MYO15A: variants seen among roughly 807,000 people sequenced by gnomAD.
MYO15A encodes the protein unconventional myosin-XV.
A neutral mutation model predicts 394.6 loss-of-function variants in MYO15A; 308 were observed. The ratio of observed to expected loss-of-function variants is 0.78; its 90% CI spans 0.71 to 0.86. The LOEUF is 0.86. Ranked by LOEUF, MYO15A falls within the 40% of genes least tolerant of loss-of-function variation. The pLI, the probability that MYO15A is intolerant of heterozygous loss-of-function variation, is 0.00. For synonymous variants in MYO15A, 1,957 were observed against 2,003.8 expected, an observed-to-expected ratio of 0.98 and a Z score of 0.62; for missense variants, 4,606 against 4,799.1, an observed-to-expected ratio of 0.96 and a Z score of 1.19.
At chr17:18,136,282 CCTAGT>C in intron 13 of MYO15A, 130 bp from the exon 14 acceptor site, 1 of 1,117,846 alleles carries the variant, frequency 8.9e-7, no homozygotes, top group Non-Finnish European at 1.3e-6. Flanking sequence ...GGTGGTCCTG[CCTAGT>C]CTCTGTGTGC....
intron 61 of MYO15A, 52 bp from the exon 62 acceptor site, chr17:18,167,538 G>A (rs1252868010): frequency 1.3e-6 from 2 of 1,598,482 alleles, no homozygotes; most frequent in African/African-American, 1.3e-5. Context: ...CTGCAGCCAA[G>A]TGCCTGCACG....
At chr17:18,122,506 A>T (rs1262800556) in intron 2 of MYO15A, 97 bp downstream of exon 2, 8 of 1,490,806 alleles carry the variant, frequency 5.4e-6, no homozygotes, top group Non-Finnish European at 7.1e-6. Flanking sequence ...CCTTGGAGAG[A>T]GGCTGCTTGC....
In MYO15A at chr17:18,132,673, A is replaced by G. The variant is rs2046190111; in HGVS notation, c.4320+107A>G. On this transcript the variant is annotated intron_variant, in intron 11 of 65. Transcript: ENST00000647165. The surrounding 1 kb of genome is among the most constrained non-coding windows in gnomAD (Gnocchi z 4.6). ...TGTGAGTGATGGAGTGTGAAGGTGA[A>G]GGAGATTTGGGGAGGGTGAGTTTGG... 4 of 907,578 alleles carry G rather than the reference A, an allele frequency of 4.4e-6. No homozygotes were observed. In the Admixed American group the frequency reaches 5.8e-5, roughly 13 times the overall value. 56.2% of individuals were successfully genotyped at this position (907,578 alleles called of 1,614,324 possible).
intron 21 of MYO15A, 67 bp from the exon 22 acceptor site, chr17:18,140,952 A>T: frequency 6.2e-7 from 1 of 1,612,912 alleles, no homozygotes; most frequent in Non-Finnish European, 8.5e-7. Context: ...GGGAATATTC[A>T]CCATGATAAT....
At chr17:18,131,178 C>A in intron 8 of MYO15A, 61 bp from the exon 9 acceptor site, 3 of 1,483,422 alleles carry the variant, frequency 2.0e-6, no homozygotes, top group South Asian at 1.1e-5. Context: ...CTATGCCCCC[C>A]ACCCAGGCCC....
In MYO15A at chr17:18,144,479, G is replaced by T; in HGVS notation, c.6178-18G>T. On this transcript the variant is annotated intron_variant, in intron 28 of 65. Transcript: ENST00000647165. ...TCAGTCCAGCTCTGTCTGCTCATGT[G>T]CCTGCCCTGTGTCTTAGGAACCTGC... The T allele has an allele frequency of 1.2e-6, 2 of 1,608,654 alleles. No homozygotes were observed. The highest frequency in any genetic ancestry group is 1.7e-6 in the Non-Finnish European group (2 of 1,176,514).
intron 47 of MYO15A, 85 bp from the exon 48 acceptor site, chr17:18,156,110 G>T: frequency 6.2e-7 from 1 of 1,605,066 alleles, no homozygotes; most frequent in East Asian, 2.2e-5. Flanking sequence ...CTTCAAATGG[G>T]GCAGGACAGG....
chr17:18,136,015 G>C (rs764277909), intron 13 of MYO15A, among the ~76,000 whole-genome samples, 191 bp downstream of exon 13: 35 of 152,142 alleles, frequency 2.3e-4, no homozygotes, highest in Non-Finnish European at 4.6e-4. Context: ...TGCATAGGCT[G>C]TTTCCTCTAC....
Position 18,139,608 on chromosome 17 carries a change from A to G in MYO15A, c.5208A>G (p.Thr1736=), listed in dbSNP as rs201526680. Residue 1736 remains threonine (T), a synonymous_variant, in exon 19 of 66, where the codon ACA becomes ACG. Transcript: ENST00000647165. The part of the protein sequence containing the change: ...DVLDLFVRSR[T]RVVAHLFSSH... ...TGGACCTGTTCGTACGGAGCCGGAC[A>G]CGGGTAAGCCTCGCCTCCCACCGCT... The G allele has an allele frequency of 3.1e-6, 5 of 1,613,760 alleles. No homozygotes were observed. The highest frequency in any genetic ancestry group is 4.2e-6 in the Non-Finnish European group (5 of 1,179,964).
chr17:18,121,205 G>C lies in MYO15A; in HGVS notation c.2405G>C (p.Arg802Pro). 1 of 1,501,710 alleles carries C rather than the reference G, an allele frequency of 6.7e-7. No homozygotes were observed. The highest frequency in any genetic ancestry group is 8.8e-7 in the Non-Finnish European group (1 of 1,131,846). The allele number at this position is 1,501,710 out of a possible 1,614,324, so 93.0% of individuals were successfully genotyped here. A position where few individuals can be genotyped will look rare whatever the true frequency, so the allele number is the denominator to read the frequency against. The change falls in exon 2 of 66, where the codon CGC becomes CCC. Residue 802 changes from arginine to proline, a missense_variant. Physicochemically the swap from Arg to Pro is moderately radical, Grantham distance 103. Coordinates refer to ENST00000647165, the MANE Select transcript of MYO15A (RefSeq NM_016239.4). This position sits in a 1 kb window ranked among gnomAD's most constrained non-coding sequence, Gnocchi z 5.3. ...CCCCCGTCGCCTCAGCTGTCCTTGCGCACGGGCCCCTTCCAGCCGCCCTTC... is the reference window on the plus strand; with the variant it reads ...CCCCCGTCGCCTCAGCTGTCCTTGCCCACGGGCCCCTTCCAGCCGCCCTTC... ...LAPPSPQLSL[R>P]TGPFQPPFLP...
chr17:18,176,049 A>G (rs986604520), intron 65 of MYO15A, among the ~76,000 whole-genome samples: 1 of 152,132 alleles, frequency 6.6e-6, no homozygotes, highest in African/African-American at 2.4e-5. Context: ...ACCTTTTTCT[A>G]GAAGCTTTCC....
In MYO15A at chr17:18,179,421, C is replaced by T. The variant is rs75494004; in HGVS notation, c.*551C>T. On this transcript the variant is annotated 3_prime_UTR_variant, in exon 66 of 66. Transcript: ENST00000647165. ...TTTCTCCATGGAGTTGCTAAGTGGC[C>T]GGAAAACAAGCCTGAGGGAGGAGGC... 2.3e-3 allele frequency: 417 copies of T among 179,086 alleles called. 2 individuals carry two copies. The highest frequency in any genetic ancestry group is 9.3e-3 in the African/African-American group (396 of 42,422). The allele number at this position is 179,086 out of a possible 1,614,324, so 11.1% of individuals were successfully genotyped here.
chr17:18,172,422 T>C (rs2046955816), intron 64 of MYO15A, 132 bp downstream of exon 64: 5 of 1,328,930 alleles, frequency 3.8e-6, no homozygotes, highest in Admixed American at 3.9e-5. Flanking sequence ...CTCAGGCAAG[T>C]CTCTTCCCTC....
intron 12 of MYO15A, 89 bp from the exon 13 acceptor site, chr17:18,135,622 T>G (rs887905551): frequency 7.7e-7 from 1 of 1,291,352 alleles, no homozygotes; most frequent in Non-Finnish European, 1.1e-6. Flanking sequence ...ACTACTGGCA[T>G]GAGCCACAGT....
At chr17:18,126,601 C>A in intron 5 of MYO15A, 145 bp downstream of exon 5, 1 of 1,073,682 alleles carries the variant, frequency 9.3e-7, no homozygotes, top group Non-Finnish European at 1.4e-6. Context: ...AGTCTCTCCC[C>A]AGGCAGGGCC....
chr17:18,131,184 G>C (rs2046155248), intron 8 of MYO15A, 55 bp from the exon 9 acceptor site: 2 of 1,480,616 alleles, frequency 1.4e-6, no homozygotes, highest in Non-Finnish European at 9.4e-7. Context: ...CCCCCACCCA[G>C]GCCCCCAGAA....
chr17:18,109,470 A>G (rs988131677), intron 1 of MYO15A: 1 of 157,040 alleles, frequency 6.4e-6, no homozygotes, highest in African/African-American at 2.4e-5. Context: ...CGCAGTCTAC[A>G]TTTGCTTGTG....
chr17:18,125,797 C>CA (rs1773666985), intron 4 of MYO15A, among the ~76,000 whole-genome samples: 1 of 151,826 alleles, frequency 6.6e-6, no homozygotes, highest in African/African-American at 2.4e-5. Flanking sequence ...GTGACACCCC[C>CA]ACCATCTGGG....
Position 18,119,913 on chromosome 17 carries a change from C to G in MYO15A, c.1113C>G (p.Pro371=). The change falls in exon 2 of 66, where the codon CCC becomes CCG. Residue 371 remains proline, a synonymous_variant. Transcript: ENST00000647165. ...CCTACGATGTACCCTACTTTGATCC[C>G]TACGGAGTCCACTACACCGTCCCCT... The part of the protein sequence containing the change: ...HTPYDVPYFD[P]YGVHYTVPYA... 4 of 1,613,488 alleles carry G rather than the reference C, an allele frequency of 2.5e-6. No homozygotes were observed. The highest frequency in any genetic ancestry group is 1.7e-6 in the Non-Finnish European group (2 of 1,180,014).
Sources: allele counts gnomAD v4.1 joint callset (sites outside exome capture counted in the v4.1 genomes callset), GRCh38; gene constraint gnomAD v4.1.1; non-coding constraint Gnocchi (gnomAD v3.1); transcripts MANE v1.5; gene names NCBI Gene and HGNC (gene_info 2026-07-23, HGNC 2026-07-21).